The following CACNA1A variants were observed in gnomAD, a reference collection of about 807,000 sequenced individuals.
CACNA1A encodes the protein voltage-dependent P/Q-type calcium channel subunit alpha-1A.
Under a neutral mutation model 262.4 loss-of-function variants are expected in CACNA1A, and 57 were observed. The ratio of observed to expected loss-of-function variants is 0.22; its 90% CI spans 0.18 to 0.27. The LOEUF (loss-of-function observed/expected upper bound fraction) is 0.27, where lower values mean the gene tolerates loss of function less well. Among genes scored for constraint, CACNA1A ranks in the 10% least tolerant of loss-of-function variants. The pLI is 1.00. For missense variants in CACNA1A, 2,526 were observed against 3,562.8 expected (o/e 0.71, Z 7.41); for synonymous variants, 1,431 against 1,419.3 (o/e 1.01, Z -0.18).
At chr19:13,329,486 C>CT (rs35821858) in intron 10 of CACNA1A, among the ~76,000 whole-genome samples, 7,005 of 123,796 alleles carry the variant, frequency 0.057, 596 homozygotes, top group African/African-American at 0.18. Context: ...TGGTTTGTGT[C>CT]TTTTTTTTTT....
chr19:13,461,714 G>A (rs558592372), intron 1 of CACNA1A, among the ~76,000 whole-genome samples: 1 of 152,180 alleles, frequency 6.6e-6, no homozygotes, highest in African/African-American at 2.4e-5. Flanking sequence ...GGTGAGCAAT[G>A]CCTCTGTTAG....
chr19:13,341,636 TC>T (rs1161325808), intron 6 of CACNA1A, among the ~76,000 whole-genome samples: 1 of 152,196 alleles, frequency 6.6e-6, no homozygotes, highest in Non-Finnish European at 1.5e-5. Flanking sequence ...GAATGCTCTT[TC>T]CTGAGATTGC....
intron 16 of CACNA1A, 56 bp from the exon 17 acceptor site, chr19:13,303,669 G>T: frequency 6.3e-7 from 1 of 1,579,154 alleles, no homozygotes; most frequent in Non-Finnish European, 8.7e-7. Flanking sequence ...CTTGGGCCCT[G>T]GGTATCTGGG....
In CACNA1A at chr19:13,300,662, AGGCACGTGGAATCTTT is replaced by A; in HGVS notation, c.2173-22_2173-7del. On this transcript the variant is annotated splice_polypyrimidine_tract_variant and splice_region_variant and intron_variant, in intron 17 of 46. Transcript: ENST00000360228. Reference sequence around the variant, plus strand: ...TCTTCTTCCTCTTGCTCGTCCTAAAAGGCACGTGGAATCTTTGTTCACAAAACATGAACTAGGCCTT... The same window carrying A: ...TCTTCTTCCTCTTGCTCGTCCTAAAAGTTCACAAAACATGAACTAGGCCTT... 1 of 1,611,336 alleles carries A rather than the reference AGGCACGTGGAATCTTT, an allele frequency of 6.2e-7. No individual in the cohort carries two copies. Among genetic ancestry groups the A allele is most frequent in the Non-Finnish European group, 8.5e-7 (1 of 1,177,546 alleles).
intron 1 of CACNA1A, 72 bp downstream of exon 1, chr19:13,505,860 C>T: frequency 6.6e-7 from 1 of 1,508,758 alleles, no homozygotes; most frequent in Non-Finnish European, 9.1e-7. Context: ...GTCTCTCTCC[C>T]AGCCTGGAAG....
chr19:13,303,737 T>A, intron 16 of CACNA1A, 30 bp downstream of exon 16: 1 of 1,577,880 alleles, frequency 6.3e-7, no homozygotes, highest in South Asian at 1.1e-5. Flanking sequence ...GGTCCAGGCC[T>A]GTCCCCTTCT....
intron 28 of CACNA1A, among the ~76,000 whole-genome samples, chr19:13,255,734 T>TC (rs1225038017): frequency 5.2e-5 from 5 of 96,248 alleles, no homozygotes; most frequent in South Asian, 8.9e-4. Flanking sequence ...TCTCCCTCCC[T>TC]CCTTCCCTCC....
rs759926940 is a variant in CACNA1A at position 13,241,570 on chromosome 19, G to A, written c.4950+3612C>T. On this transcript the variant is annotated intron_variant, in intron 31 of 46. Coordinates refer to ENST00000360228, the MANE Select transcript of CACNA1A (RefSeq NM_001127222.2). The surrounding 1 kb of genome is among the most constrained non-coding windows in gnomAD (Gnocchi z 4.0). ...GATGAGGGGGAGCGGGCGGGCGGGG[G>A]CAGTTGGGGAGGCGTGTTCAGCATT... 7 of 916,984 alleles carry A rather than the reference G, an allele frequency of 7.6e-6. No homozygotes were observed. The highest frequency in any genetic ancestry group is 1.2e-5 in the Non-Finnish European group (7 of 594,062). The allele number at this position is 916,984 out of a possible 1,614,324, so 56.8% of individuals were successfully genotyped here. A position where few individuals can be genotyped will look rare whatever the true frequency, so the allele number is the denominator to read the frequency against.
chr19:13,312,713 T>C lies in CACNA1A; in HGVS notation c.1624A>G (p.Thr542Ala). The change falls in exon 12 of 47, where the codon ACG becomes GCG. Residue 542 changes from threonine to alanine, a missense_variant. This residue lies in a region of CACNA1A where 102 missense variants were observed against 278.9 expected (regional missense o/e 0.37). Coordinates refer to ENST00000360228, the MANE Select transcript of CACNA1A (RefSeq NM_001127222.2). The part of the protein sequence containing the change: ...EMFIKMYGLG[T>A]RPYFHSSFNC... ...AAGGAAGAGTGGAAGTAAGGCCGCGTCCCAAGCCCGTACATTTTTATAAAC... is the reference window on the plus strand; with the variant it reads ...AAGGAAGAGTGGAAGTAAGGCCGCGCCCCAAGCCCGTACATTTTTATAAAC... 2 of 1,598,534 alleles carry C rather than the reference T, an allele frequency of 1.3e-6. No individual in the cohort carries two copies. The highest frequency in any genetic ancestry group is 1.7e-6 in the Non-Finnish European group (2 of 1,173,848).
At chr19:13,381,793 T>C (rs1422994626) in intron 3 of CACNA1A, among the ~76,000 whole-genome samples, 1 of 151,870 alleles carries the variant, frequency 6.6e-6, no homozygotes, top group African/African-American at 2.4e-5. Context: ...CAGAGATGAG[T>C]TGGTGTGGCT....
chr19:13,469,308 C>G (rs1188720818), intron 1 of CACNA1A, among the ~76,000 whole-genome samples: 3 of 152,156 alleles, frequency 2.0e-5, no homozygotes, highest in African/African-American at 7.2e-5. Flanking sequence ...ATTGTCCATG[C>G]TGGTCCCCTG....
At chr19:13,483,264 C>T (rs765793019) in intron 1 of CACNA1A, among the ~76,000 whole-genome samples, 1 of 152,178 alleles carries the variant, frequency 6.6e-6, no homozygotes, top group Non-Finnish European at 1.5e-5. Context: ...ACATGGAATG[C>T]CACTTGCTGA....
chr19:13,276,048 G>C, intron 23 of CACNA1A, 92 bp from the exon 24 acceptor site: 1 of 776,644 alleles, frequency 1.3e-6, no homozygotes, highest in Non-Finnish European at 2.1e-6. Flanking sequence ...GGGAGAGGCA[G>C]GGAAGCCAAT....
intron 31 of CACNA1A, chr19:13,243,857 C>G (rs2056152991): frequency 6.6e-6 from 1 of 152,562 alleles, no homozygotes; most frequent in Non-Finnish European, 1.5e-5. Context: ...CCGTGCCCAG[C>G]TGAGGTCAGT....
At chr19:13,350,926 C>T (rs1162870333) in intron 6 of CACNA1A, among the ~76,000 whole-genome samples, 1 of 139,436 alleles carries the variant, frequency 7.2e-6, no homozygotes, top group East Asian at 3.3e-4. Flanking sequence ...CGCTTGAGAC[C>T]AGGAGTTTGA....
At chr19:13,284,820 GTTTA>G (rs1450286839) in intron 21 of CACNA1A, among the ~76,000 whole-genome samples, 6 of 152,194 alleles carry the variant, frequency 3.9e-5, no homozygotes, top group African/African-American at 7.2e-5. Flanking sequence ...TGACAAATTT[GTTTA>G]TTTATTGTCA....
At chr19:13,492,977 C>T (rs985281272) in intron 1 of CACNA1A, among the ~76,000 whole-genome samples, 6 of 152,112 alleles carry the variant, frequency 3.9e-5, no homozygotes, top group Non-Finnish European at 8.8e-5. Flanking sequence ...GCAGCATTCA[C>T]CATGCCAGGA....
At chr19:13,307,693 A>G (rs2057934182) in intron 15 of CACNA1A, 89 bp downstream of exon 15, 2 of 999,512 alleles carry the variant, frequency 2.0e-6, no homozygotes, top group South Asian at 1.4e-5. Context: ...GAGAAGGAGG[A>G]GTTCAGGGAA....
At chr19:13,371,661 C>T (rs776251401) in intron 4 of CACNA1A, 27 bp downstream of exon 4, 15 of 1,534,848 alleles carry the variant, frequency 9.8e-6, no homozygotes, top group Non-Finnish European at 1.3e-5. Context: ...TGAGCAAACC[C>T]CTTGTCAGGG....
Sources: allele counts gnomAD v4.1 joint callset (sites outside exome capture counted in the v4.1 genomes callset), GRCh38; gene constraint gnomAD v4.1.1; regional missense constraint gnomAD v4.1.1; non-coding constraint Gnocchi (gnomAD v3.1); transcripts MANE v1.5; gene names NCBI Gene and HGNC (gene_info 2026-07-23, HGNC 2026-07-21).